Variants in ERC2 observed in about 807,000 individuals in gnomAD.
The protein encoded by ERC2 is ERC protein 2.
Under a neutral mutation model 114.8 loss-of-function variants are expected in ERC2, and 42 were observed. That is an observed-to-expected ratio of 0.37 (90% CI 0.29 to 0.47). ERC2 has a LOEUF of 0.47. Ranked by LOEUF, ERC2 falls within the 20% of genes least tolerant of loss-of-function variation. ERC2 has a pLI of 0.99. For synonymous variants in ERC2, 454 were observed against 425.5 expected (o/e 1.07, Z -0.82); for missense variants, 939 against 1,150.7 (o/e 0.82, Z 2.66).
chr3:56,126,194 T>C (rs1004102201), intron 6 of ERC2, among the ~76,000 whole-genome samples: 95 of 152,314 alleles, frequency 6.2e-4, no homozygotes, highest in African/African-American at 2.2e-3. Context: ...ATCTTCAAAC[T>C]TTAGAAAAAT....
At chr3:56,432,829 A>G (rs1449289275) in intron 2 of ERC2, among the ~76,000 whole-genome samples, 1 of 152,134 alleles carries the variant, frequency 6.6e-6, no homozygotes, top group Non-Finnish European at 1.5e-5. Flanking sequence ...AAGTTAAATA[A>G]TATCTGGGAA....
chr3:55,877,114 A>G (rs759062710), intron 14 of ERC2, among the ~76,000 whole-genome samples: 1 of 152,140 alleles, frequency 6.6e-6, no homozygotes, highest in Non-Finnish European at 1.5e-5. Flanking sequence ...AGGTTCCTCA[A>G]CCTCAGTACC....
At chr3:55,913,989 C>T (rs1329272756) in intron 13 of ERC2, among the ~76,000 whole-genome samples, 2 of 150,594 alleles carry the variant, frequency 1.3e-5, no homozygotes, top group African/African-American at 2.4e-5. Context: ...TATTCTTAAA[C>T]TAATAAAATA....
chr3:56,140,310 A>G (rs2080777751), intron 5 of ERC2, among the ~76,000 whole-genome samples: 1 of 151,966 alleles, frequency 6.6e-6, no homozygotes. Flanking sequence ...AATAATTACC[A>G]CCCCAAATTT....
chr3:55,750,720 G>A (rs1343796143), intron 14 of ERC2, among the ~76,000 whole-genome samples: 1 of 152,150 alleles, frequency 6.6e-6, no homozygotes, highest in African/African-American at 2.4e-5. Flanking sequence ...TAACTTTCAA[G>A]GATGCTAGAA....
intron 2 of ERC2, among the ~76,000 whole-genome samples, chr3:56,420,973 AG>A (rs1258429649): frequency 1.3e-5 from 2 of 152,166 alleles, no homozygotes; most frequent in Non-Finnish European, 2.9e-5. Context: ...AATTCCATCA[AG>A]GATGCACTCT....
intron 15 of ERC2, among the ~76,000 whole-genome samples, chr3:55,717,638 G>A (rs571106894): frequency 2.0e-5 from 3 of 152,292 alleles, no homozygotes; most frequent in Admixed American, 1.3e-4. Flanking sequence ...CTTCAACACC[G>A]TAAGAGATCT....
At chr3:56,408,663 CAGACAACAGACGAATA>C (rs1166787306) in intron 2 of ERC2, among the ~76,000 whole-genome samples, 17 of 152,186 alleles carry the variant, frequency 1.1e-4, no homozygotes, top group African/African-American at 4.1e-4. Flanking sequence ...TATTATTAGA[CAGACAACAGACGAATA>C]AGCAAAGACA....
At chr3:56,189,672 T>C (rs1479237712) in intron 3 of ERC2, among the ~76,000 whole-genome samples, 1 of 152,204 alleles carries the variant, frequency 6.6e-6, no homozygotes, top group Non-Finnish European at 1.5e-5. Context: ...GGGCTGTTCT[T>C]GGCATCCCCC....
chr3:56,322,757 G>A (rs2057185481), intron 2 of ERC2, among the ~76,000 whole-genome samples: 1 of 152,122 alleles, frequency 6.6e-6, no homozygotes, highest in Non-Finnish European at 1.5e-5. Flanking sequence ...ACCAAATTGG[G>A]AATCTGGAAA....
chr3:55,613,458 A>T (rs184037923), intron 17 of ERC2, among the ~76,000 whole-genome samples: 1 of 152,232 alleles, frequency 6.6e-6, no homozygotes, highest in African/African-American at 2.4e-5. Flanking sequence ...GACCTTCACC[A>T]TAGGAAAATG....
intron 3 of ERC2, among the ~76,000 whole-genome samples, chr3:56,176,328 C>A (rs2150032173): frequency 6.6e-6 from 1 of 152,190 alleles, no homozygotes; most frequent in East Asian, 1.9e-4. Flanking sequence ...AACCAAGCAA[C>A]ACAGTGAAAA....
At chr3:55,823,323 C>T (rs1287066313) in intron 14 of ERC2, among the ~76,000 whole-genome samples, 2 of 152,198 alleles carry the variant, frequency 1.3e-5, no homozygotes, top group African/African-American at 4.8e-5. Flanking sequence ...CCAATATCCT[C>T]CCAGAGGGAG....
intron 17 of ERC2, among the ~76,000 whole-genome samples, chr3:55,519,926 G>A (rs2052788581): frequency 6.6e-6 from 1 of 151,866 alleles, no homozygotes; most frequent in Non-Finnish European, 1.5e-5. Flanking sequence ...GTGGTGGCAG[G>A]TGCCTGTAGT....
At chr3:56,363,212 C>T (rs2059024752) in intron 2 of ERC2, among the ~76,000 whole-genome samples, 2 of 152,098 alleles carry the variant, frequency 1.3e-5, no homozygotes, top group Admixed American at 6.6e-5. Flanking sequence ...GGAATAAACT[C>T]CTGATGAATC....
intron 17 of ERC2, among the ~76,000 whole-genome samples, chr3:55,527,016 G>T (rs1056658907): frequency 6.6e-6 from 1 of 152,244 alleles, no homozygotes; most frequent in Non-Finnish European, 1.5e-5. Flanking sequence ...CCCAGTTCTG[G>T]CCTGGATGGG....
chr3:56,028,697 G>C (rs2074195107), intron 7 of ERC2, among the ~76,000 whole-genome samples: 1 of 152,072 alleles, frequency 6.6e-6, no homozygotes, highest in African/African-American at 2.4e-5. Context: ...AGTTCTGGGA[G>C]TGAGGTGGGT....
At chr3:56,111,141 G>A (rs1575460210) in intron 6 of ERC2, among the ~76,000 whole-genome samples, 1 of 152,206 alleles carries the variant, frequency 6.6e-6, no homozygotes, top group East Asian at 1.9e-4. Context: ...GTGTCCCTGA[G>A]GCTGTGTTCT....
chr3:56,323,809 G>T (rs903793285), intron 2 of ERC2, among the ~76,000 whole-genome samples: 1 of 152,128 alleles, frequency 6.6e-6, no homozygotes, highest in Non-Finnish European at 1.5e-5. Flanking sequence ...TAAAACCACT[G>T]TGGAAAAAAC....
Sources: allele counts gnomAD v4.1 joint callset (sites outside exome capture counted in the v4.1 genomes callset), GRCh38; gene constraint gnomAD v4.1.1; transcripts MANE v1.5; gene names NCBI Gene and HGNC (gene_info 2026-07-23, HGNC 2026-07-21).